TAF4B: variants seen among roughly 807,000 people sequenced by gnomAD.
TAF4B encodes TATA-box binding protein associated factor 4b, also known as transcription initiation factor TFIID subunit 4B.
TAF4B carries 38 observed loss-of-function variants against 86.4 expected under a neutral mutation model. The observed-to-expected ratio is 0.44, with a 90% CI of 0.34 to 0.58. The LOEUF is 0.58. Ranked by LOEUF, TAF4B falls within the 20% of genes least tolerant of loss-of-function variation. The pLI is 0.02. For synonymous variants in TAF4B, 388 were observed against 391.2 expected, an observed-to-expected ratio of 0.99 and a Z score of 0.10; for missense variants, 988 against 1,027.6, an observed-to-expected ratio of 0.96 and a Z score of 0.53.
chr18:26,361,078 C>CT (rs958461504), intron 14 of TAF4B, among the ~76,000 whole-genome samples: 6 of 151,490 alleles, frequency 4.0e-5, no homozygotes, highest in African/African-American at 7.3e-5. Flanking sequence ...AGTATCAAAC[C>CT]TTTTTTTTAA....
intron 9 of TAF4B, among the ~76,000 whole-genome samples, chr18:26,308,780 G>C (rs1264434445): frequency 6.6e-6 from 1 of 151,558 alleles, no homozygotes; most frequent in Non-Finnish European, 1.5e-5. Flanking sequence ...GCTGGGACAG[G>C]GGAATCGCTG....
At chr18:26,256,040 T>C (rs1338684625) in intron 1 of TAF4B, 5 of 1,271,570 alleles carry the variant, frequency 3.9e-6, no homozygotes, top group East Asian at 2.3e-5. Flanking sequence ...TTTACTGATA[T>C]GGTTGCTCTT....
intron 11 of TAF4B, among the ~76,000 whole-genome samples, chr18:26,324,519 A>G (rs1264186780): frequency 6.6e-6 from 1 of 152,210 alleles, no homozygotes; most frequent in Non-Finnish European, 1.5e-5. Context: ...ATGGCATTCA[A>G]AGCTCTATTG....
intron 9 of TAF4B, among the ~76,000 whole-genome samples, chr18:26,311,183 G>A (rs928389131): frequency 6.6e-6 from 1 of 152,152 alleles, no homozygotes; most frequent in Non-Finnish European, 1.5e-5. Context: ...AGAAGACAGA[G>A]TAAGAACTAC....
intron 9 of TAF4B, 45 bp from the exon 10 acceptor site, chr18:26,315,184 C>CAA: frequency 7.6e-7 from 1 of 1,312,856 alleles, no homozygotes; most frequent in African/African-American, 1.6e-5. Flanking sequence ...CACACACACA[C>CAA]ACACACACAA....
chr18:26,239,991 C>A (rs989078477), intron 1 of TAF4B, among the ~76,000 whole-genome samples: 6 of 152,166 alleles, frequency 3.9e-5, no homozygotes, highest in Non-Finnish European at 5.9e-5. Flanking sequence ...GTTACTATAG[C>A]CTTGTAGTAT....
chr18:26,336,539 A>G (rs2057093165), intron 13 of TAF4B, among the ~76,000 whole-genome samples: 1 of 152,168 alleles, frequency 6.6e-6, no homozygotes, highest in African/African-American at 2.4e-5. Context: ...GAAAGGGAGA[A>G]CACTTTAAAA....
intron 7 of TAF4B, among the ~76,000 whole-genome samples, chr18:26,290,408 G>A (rs996776149): frequency 2.6e-5 from 4 of 152,128 alleles, no homozygotes; most frequent in South Asian, 4.1e-4. Flanking sequence ...AAAGGAGGAC[G>A]GGTTTTAAAA....
Position 26,275,317 on chromosome 18 carries a change from G to A in TAF4B, c.882+264G>A, listed in dbSNP as rs765803841. Among the ~76,000 whole-genome samples, 13 of 152,104 alleles carry A rather than the reference G, an allele frequency of 8.5e-5. No individual in the cohort carries two copies. In the East Asian group the frequency reaches 1.9e-3, roughly 23 times the overall value. On this transcript the variant is annotated intron_variant, in intron 5 of 14. Transcript: ENST00000269142. ...ATTACAGGTGTGCATCACCACGCTC[G>A]GCTAATTTTTGTATTTTTAGTAGAG...
chr18:26,315,204 T>C, intron 9 of TAF4B, 25 bp from the exon 10 acceptor site: 1 of 1,478,400 alleles, frequency 6.8e-7, no homozygotes. Flanking sequence ...ACCTAAAATG[T>C]ATAACTTTTT....
At chr18:26,275,605 A>G (rs1412563062) in intron 5 of TAF4B, among the ~76,000 whole-genome samples, 1 of 152,248 alleles carries the variant, frequency 6.6e-6, no homozygotes, top group Non-Finnish European at 1.5e-5. Context: ...TTTAAGGTAT[A>G]CAACATGATG....
At chr18:26,328,037 T>C (rs1338341299) in intron 12 of TAF4B, among the ~76,000 whole-genome samples, 3 of 152,386 alleles carry the variant, frequency 2.0e-5, no homozygotes, top group South Asian at 2.1e-4. Flanking sequence ...TCTTAAAGGC[T>C]GAGCACTGGA....
intron 13 of TAF4B, among the ~76,000 whole-genome samples, chr18:26,354,609 A>G (rs1159942106): frequency 6.6e-6 from 1 of 152,218 alleles, no homozygotes; most frequent in East Asian, 1.9e-4. Context: ...GCCAAGGTTC[A>G]GGCCTGGTTG....
At chr18:26,261,615 A>G (rs1041484483) in intron 1 of TAF4B, among the ~76,000 whole-genome samples, 4 of 152,154 alleles carry the variant, frequency 2.6e-5, no homozygotes, top group South Asian at 2.1e-4. Flanking sequence ...TGATTGCCCT[A>G]TTGTTTTCAA....
At chr18:26,285,350 A>G (rs1598758144) in intron 6 of TAF4B, among the ~76,000 whole-genome samples, 3 of 148,134 alleles carry the variant, frequency 2.0e-5, no homozygotes, top group African/African-American at 7.4e-5. Context: ...ACCACGCCTG[A>G]CTAATTTTTG....
At position 26,285,861 on chromosome 18, in the gene TAF4B, T is replaced by A. The variant is rs768366757; in HGVS notation, c.973-21T>A. On this transcript the variant is annotated intron_variant, in intron 6 of 14. Coordinates refer to ENST00000269142, the MANE Select transcript of TAF4B (RefSeq NM_005640.3). ...AGCTGATTTGTTAGCAGTGTTTTTT[T>A]CCATTCCTCTGCATTTCCAGAAAAG... 8.8e-6 allele frequency: 14 copies of A among 1,586,892 alleles called. No individual in the cohort carries two copies. In the East Asian group the frequency reaches 3.1e-4, roughly 36 times the overall value.
chr18:26,324,458 T>TA (rs1233030798), intron 11 of TAF4B, among the ~76,000 whole-genome samples: 2 of 152,218 alleles, frequency 1.3e-5, no homozygotes, highest in Non-Finnish European at 2.9e-5. Flanking sequence ...GTATAAAACA[T>TA]AATAAGTATA....
At chr18:26,343,116 A>G (rs936230473) in intron 13 of TAF4B, among the ~76,000 whole-genome samples, 2 of 152,194 alleles carry the variant, frequency 1.3e-5, no homozygotes, top group African/African-American at 4.8e-5. Flanking sequence ...TCAAAATACT[A>G]CTTGAACTGG....
chr18:26,363,901 T>C (rs764594959), intron 14 of TAF4B, among the ~76,000 whole-genome samples: 3 of 152,194 alleles, frequency 2.0e-5, no homozygotes, highest in Non-Finnish European at 4.4e-5. Context: ...TTTTTCCTAC[T>C]AAAAGGGAGC....
Sources: allele counts gnomAD v4.1 joint callset (sites outside exome capture counted in the v4.1 genomes callset), GRCh38; gene constraint gnomAD v4.1.1; transcripts MANE v1.5; gene names NCBI Gene and HGNC (gene_info 2026-07-23, HGNC 2026-07-21).